The following SNCAIP variants were observed in gnomAD, a reference collection of about 807,000 sequenced individuals.
SNCAIP encodes the protein synuclein alpha interacting protein.
A neutral mutation model predicts 86.7 loss-of-function variants in SNCAIP; 43 were observed. That is an observed-to-expected ratio of 0.50 (90% CI 0.39 to 0.64). SNCAIP has a LOEUF of 0.64. Among genes scored for constraint, SNCAIP ranks in the 30% least tolerant of loss-of-function variants. The pLI is 0.00. For synonymous variants in SNCAIP, 417 were observed against 427.2 expected (o/e 0.98, Z 0.29); for missense variants, 981 against 1,103.1 (o/e 0.89, Z 1.57).
chr5:122,353,794 C>T (rs1370585219), intron 1 of SNCAIP, among the ~76,000 whole-genome samples: 1 of 152,086 alleles, frequency 6.6e-6, no homozygotes, highest in African/African-American at 2.4e-5. Context: ...TCTTTTTCTT[C>T]CCAGTCTCGG....
intron 1 of SNCAIP, among the ~76,000 whole-genome samples, chr5:122,342,132 G>C (rs143609466): frequency 6.6e-5 from 10 of 152,222 alleles, no homozygotes; most frequent in African/African-American, 2.4e-4. Context: ...TGGTTGCTAA[G>C]CATCAGCATT....
intron 4 of SNCAIP, among the ~76,000 whole-genome samples, chr5:122,424,887 G>A (rs1045955177): frequency 6.6e-6 from 1 of 152,200 alleles, no homozygotes; most frequent in Non-Finnish European, 1.5e-5. Context: ...GAGAGCACTA[G>A]TAGCAGCAGT....
chr5:122,358,209 A>G (rs1456114403), intron 1 of SNCAIP, among the ~76,000 whole-genome samples: 35 of 148,890 alleles, frequency 2.4e-4, no homozygotes, highest in African/African-American at 6.2e-4. Flanking sequence ...GTGTGTATAT[A>G]TATATATATA....
chr5:122,449,215 A>T (rs1206499094), intron 8 of SNCAIP, among the ~76,000 whole-genome samples: 1 of 152,178 alleles, frequency 6.6e-6, no homozygotes, highest in Non-Finnish European at 1.5e-5. Context: ...ATCATCTAAC[A>T]CAAATTGTAC....
At position 122,391,130 on chromosome 5, in the gene SNCAIP, G is replaced by A. The variant is rs1003295953; in HGVS notation, c.-5G>A. ...GACCGTACTCAAAATGTGCAAGGAAGAATAATGGAAGCCCCTGAATACCTT... is the reference window on the plus strand; with the variant it reads ...GACCGTACTCAAAATGTGCAAGGAAAAATAATGGAAGCCCCTGAATACCTT... On this transcript the variant is annotated 5_prime_UTR_variant, in exon 2 of 11. Coordinates refer to ENST00000261368, the MANE Select transcript of SNCAIP (RefSeq NM_005460.4). 2 of 1,608,488 alleles carry A rather than the reference G, an allele frequency of 1.2e-6. No homozygotes were observed. Among genetic ancestry groups the A allele is most frequent in the Non-Finnish European group, 1.7e-6 (2 of 1,175,050 alleles).
chr5:122,340,658 T>C (rs548175521), intron 1 of SNCAIP, among the ~76,000 whole-genome samples: 2 of 152,334 alleles, frequency 1.3e-5, no homozygotes, highest in Admixed American at 1.3e-4. Context: ...GTAATCAGCA[T>C]TGACATTGCA....
chr5:122,377,923 G>T (rs1332204270), intron 1 of SNCAIP, among the ~76,000 whole-genome samples: 4 of 151,804 alleles, frequency 2.6e-5, no homozygotes, highest in Non-Finnish European at 4.4e-5. Flanking sequence ...CCACATTTTC[G>T]CAATCCAGTC....
intron 1 of SNCAIP, among the ~76,000 whole-genome samples, chr5:122,332,380 G>A (rs12332497): frequency 0.27 from 41,213 of 152,054 alleles, 6,652 homozygotes; most frequent in African/African-American, 0.46. Flanking sequence ...GGGGAAAGAG[G>A]AGAAAATCCA....
chr5:122,444,292 G>C, intron 7 of SNCAIP: 1 of 531,342 alleles, frequency 1.9e-6, no homozygotes, highest in Non-Finnish European at 3.6e-6. Context: ...CCACCACAAA[G>C]ACTGCACTGC....
chr5:122,415,553 A>G (rs1254623076), intron 3 of SNCAIP, among the ~76,000 whole-genome samples: 3 of 152,224 alleles, frequency 2.0e-5, no homozygotes, highest in African/African-American at 7.2e-5. Flanking sequence ...ATCAGCAGGC[A>G]TTTTGGAAGT....
chr5:122,443,465 C>T (rs754308271), intron 7 of SNCAIP: 1 of 332,850 alleles, frequency 3.0e-6, no homozygotes, highest in Non-Finnish European at 6.1e-6. Context: ...GATACCTTGG[C>T]CAGATTCCGT....
chr5:122,428,004 A>C (rs1270691858), intron 5 of SNCAIP, among the ~76,000 whole-genome samples: 1 of 152,160 alleles, frequency 6.6e-6, no homozygotes, highest in Non-Finnish European at 1.5e-5. Context: ...GGTATTATTG[A>C]GTTTTCTTTA....
intron 1 of SNCAIP, among the ~76,000 whole-genome samples, chr5:122,370,308 T>C (rs1764027789): frequency 6.6e-6 from 1 of 151,800 alleles, no homozygotes; most frequent in Non-Finnish European, 1.5e-5. Context: ...TTTATTACAT[T>C]GGATTATTCT....
Position 122,428,709 on chromosome 5 carries a change from C to T in SNCAIP, c.1182+3178C>T, listed in dbSNP as rs577611463. Among the ~76,000 whole-genome samples, 5 of 152,092 alleles carry T rather than the reference C, an allele frequency of 3.3e-5. No individual in the cohort carries two copies. In the South Asian group the frequency reaches 6.2e-4, roughly 19 times the overall value. ...GCTGCACCCATTAACTCGTCATTTA[C>T]ATTAGGTATTTCTCCTAATGCTATC... On this transcript the variant is annotated intron_variant, in intron 5 of 10. Transcript: ENST00000261368.
intron 1 of SNCAIP, among the ~76,000 whole-genome samples, chr5:122,348,970 T>A: frequency 6.6e-6 from 1 of 152,192 alleles, no homozygotes; most frequent in East Asian, 1.9e-4. Context: ...CCTTGTGATA[T>A]AATTTTTAAT....
chr5:122,346,912 A>C (rs1014155574), intron 1 of SNCAIP, among the ~76,000 whole-genome samples: 8 of 152,084 alleles, frequency 5.3e-5, no homozygotes, highest in East Asian at 3.9e-4. Flanking sequence ...TTAAACTGTG[A>C]CGTTCTAAGA....
chr5:122,400,518 T>A lies in SNCAIP; in HGVS notation c.58-3275T>A, dbSNP rs145343636. ...AAATATCATTCTTTCCCTCAAGTGC[T>A]TATGGAAGCCAACACCTACAGATAA... is the stretch of plus-strand genomic sequence containing the variant. On this transcript the variant is annotated intron_variant, in intron 2 of 10. Transcript: ENST00000261368. Among the ~76,000 whole-genome samples the A allele has an allele frequency of 2.3e-3, 347 of 152,340 alleles. 1 individual carries two copies. Among genetic ancestry groups the A allele is most frequent in the African/African-American group, 8.0e-3 (332 of 41,590 alleles).
At chr5:122,351,275 A>G (rs1294444919) in intron 1 of SNCAIP, among the ~76,000 whole-genome samples, 1 of 152,110 alleles carries the variant, frequency 6.6e-6, no homozygotes, top group Non-Finnish European at 1.5e-5. Flanking sequence ...GGTCGCTCAC[A>G]TCTGTAATTC....
rs541191012 is a variant in SNCAIP, at chr5:122,351,536, C to CA, written c.-47+39282dup. On this transcript the variant is annotated intron_variant, in intron 1 of 10. Coordinates refer to ENST00000261368, the MANE Select transcript of SNCAIP (RefSeq NM_005460.4). ...TGGGCAACAGAGTGAGACTCTGTAT[C>CA]AAAAAAAAAAAAAAAAAAAAAAAAA... Among the ~76,000 whole-genome samples, 289 of 36,502 alleles carry CA rather than the reference C, an allele frequency of 7.9e-3. 31 individuals carry two copies. Among genetic ancestry groups the CA allele is most frequent in the Non-Finnish European group, 0.012 (220 of 18,720 alleles). 23.9% of individuals were successfully genotyped at this position (36,502 alleles called of 152,430 possible). A position where few individuals can be genotyped will look rare whatever the true frequency, so the allele number is the denominator to read the frequency against.
Sources: gnomAD v4.1 joint callset for allele counts (sites outside exome capture counted in the v4.1 genomes callset) on GRCh38, gnomAD v4.1.1 for gene constraint, MANE v1.5 for transcripts, NCBI Gene and HGNC (gene_info 2026-07-23, HGNC 2026-07-21) for gene names.